Variants in CSNK2A1 observed in about 807,000 individuals in gnomAD.
CSNK2A1 encodes the protein casein kinase 2 alpha 1, also known as casein kinase II subunit alpha.
Under a neutral mutation model 62.9 loss-of-function variants are expected in CSNK2A1, and 10 were observed. That is an observed-to-expected ratio of 0.16 (90% CI 0.10 to 0.27). The LOEUF is 0.27. Ranked by LOEUF, CSNK2A1 falls within the 10% of genes least tolerant of loss-of-function variation. The pLI, the probability that CSNK2A1 is intolerant of heterozygous loss-of-function variation, is 1.00. For synonymous variants in CSNK2A1, 124 were observed against 167.8 expected, an observed-to-expected ratio of 0.74 and a Z score of 2.02; for missense variants, 160 against 492.0, an observed-to-expected ratio of 0.33 and a Z score of 6.38.
rs562585212 is a variant in CSNK2A1, at chr20:539,946, G to A, written c.-227+3726C>T. On this transcript the variant is annotated intron_variant, in intron 1 of 13. Coordinates refer to ENST00000217244, the MANE Select transcript of CSNK2A1 (RefSeq NM_177559.3). ...ACAGTTAGACATTCCAGTTCAAATG[G>A]GCAAAATGTAAAAGAAAACAGAGCC... 4 of 152,282 alleles carry A rather than the reference G, an allele frequency of 2.6e-5. No homozygotes were observed. In the East Asian group the frequency reaches 5.8e-4, roughly 22 times the overall value. The allele number at this position is 152,282 out of a possible 1,614,324, so 9.4% of individuals were successfully genotyped here. A position where few individuals can be genotyped will look rare whatever the true frequency, so the allele number is the denominator to read the frequency against.
At chr20:524,987 C>G (rs1336978836) in intron 2 of CSNK2A1, among the ~76,000 whole-genome samples, 1 of 151,702 alleles carries the variant, frequency 6.6e-6, no homozygotes, top group Admixed American at 6.6e-5. Context: ...ATGGTGCATG[C>G]ACCTGTGTCC....
At chr20:501,777 T>C (rs948005532) in intron 4 of CSNK2A1, 4 of 152,136 alleles carry the variant, frequency 2.6e-5, no homozygotes, top group Non-Finnish European at 4.4e-5. Context: ...ATTAACAAGA[T>C]TGGTGGTTAC....
chr20:494,353 T>C (rs1399465926), intron 8 of CSNK2A1: 4 of 152,218 alleles, frequency 2.6e-5, no homozygotes, highest in Non-Finnish European at 4.4e-5. Context: ...ATTACAAATA[T>C]AGTTGCATTC....
chr20:522,870 T>C (rs1382236236), intron 2 of CSNK2A1, among the ~76,000 whole-genome samples: 1 of 152,050 alleles, frequency 6.6e-6, no homozygotes, highest in Non-Finnish European at 1.5e-5. Context: ...CATGCCCACC[T>C]AACTTCTGAG....
chr20:487,387 G>A, intron 12 of CSNK2A1, 40 bp downstream of exon 12: 5 of 1,612,344 alleles, frequency 3.1e-6, no homozygotes, highest in Non-Finnish European at 4.2e-6. Context: ...ATAGGACTCT[G>A]CGCCTGCACA....
At chr20:512,709 C>G (rs1403168059) in intron 2 of CSNK2A1, among the ~76,000 whole-genome samples, 1 of 152,202 alleles carries the variant, frequency 6.6e-6, no homozygotes, top group African/African-American at 2.4e-5. Context: ...TGCCTCTGTT[C>G]AACTCAAACC....
chr20:507,652 T>G (rs1439923180), intron 3 of CSNK2A1: 2 of 152,236 alleles, frequency 1.3e-5, no homozygotes, highest in Admixed American at 1.3e-4. Context: ...TGTTTAAGAA[T>G]TTAATTGTTT....
At chr20:517,752 C>T (rs1462253437) in intron 2 of CSNK2A1, among the ~76,000 whole-genome samples, 1 of 152,124 alleles carries the variant, frequency 6.6e-6, no homozygotes, top group Non-Finnish European at 1.5e-5. Flanking sequence ...AAGGCTGGCA[C>T]ATTTTGTTAT....
chr20:524,599 G>A (rs1201899047), intron 2 of CSNK2A1, among the ~76,000 whole-genome samples: 7 of 146,878 alleles, frequency 4.8e-5, no homozygotes, highest in Non-Finnish European at 8.9e-5. Flanking sequence ...GTGTGGTGGC[G>A]GGTGCCTATA....
rs534653516 is a variant in CSNK2A1 at position 518,845 on chromosome 20, G to A, written c.-110+9088C>T. On this transcript the variant is annotated intron_variant, in intron 2 of 13. Transcript: ENST00000217244. ...GCTGGGATTACAGGTGTGAGCCACC[G>A]CACCCAGCCAATTATTTATTTTTAA... Among the ~76,000 whole-genome samples the A allele has an allele frequency of 3.3e-5, 5 of 149,856 alleles. No individual in the cohort carries two copies. In the East Asian group the frequency reaches 7.9e-4, roughly 24 times the overall value.
rs6107472 is a variant in CSNK2A1 at position 522,836 on chromosome 20, G to T, written c.-110+5097C>A. Among the ~76,000 whole-genome samples the T allele has an allele frequency of 6.3e-3, 964 of 152,130 alleles. 14 individuals are homozygous for T. The highest frequency in any genetic ancestry group is 0.022 in the African/African-American group (917 of 41,494). On this transcript the variant is annotated intron_variant, in intron 2 of 13. Coordinates refer to ENST00000217244, the MANE Select transcript of CSNK2A1 (RefSeq NM_177559.3). ...TCCTCCTGCCCCAGCCTCCTAAGTA[G>T]CTAGGACTACAGGCACATGCCACCA...
At chr20:485,151 T>C (rs2018069892) in intron 13 of CSNK2A1, among the ~76,000 whole-genome samples, 1 of 114,722 alleles carries the variant, frequency 8.7e-6, no homozygotes, top group Non-Finnish European at 1.7e-5. Flanking sequence ...AACATTATTA[T>C]ACATTCTTCT....
chr20:489,679 T>C, intron 10 of CSNK2A1, 101 bp downstream of exon 10: 1 of 889,830 alleles, frequency 1.1e-6, no homozygotes, highest in Non-Finnish European at 1.6e-6. Flanking sequence ...TAAGGATCAA[T>C]ATCGGGGTGG....
rs535705232 is a variant in CSNK2A1 at position 477,927 on chromosome 20, C to A, written c.*6034G>T. On this transcript the variant is annotated 3_prime_UTR_variant, in exon 14 of 14. Coordinates refer to ENST00000217244, the MANE Select transcript of CSNK2A1 (RefSeq NM_177559.3). ...AAAACAAAACAAAACAAAAAAACCC[C>A]AGTTACATTCAGGATGAATTCTGCC... 1 of 152,204 alleles carries A rather than the reference C, an allele frequency of 6.6e-6. No individual in the cohort carries two copies. The highest frequency in any genetic ancestry group is 2.1e-4 in the South Asian group (1 of 4,820). The allele number at this position is 152,204 out of a possible 1,614,324, so 9.4% of individuals were successfully genotyped here.
At chr20:504,252 C>G (rs974814289) in intron 4 of CSNK2A1, 3 of 152,186 alleles carry the variant, frequency 2.0e-5, no homozygotes, top group African/African-American at 7.2e-5. Context: ...ATACAGAGAA[C>G]TATGAGGTAT....
intron 8 of CSNK2A1, among the ~76,000 whole-genome samples, chr20:493,787 G>T (rs924599201): frequency 6.6e-6 from 1 of 152,040 alleles, no homozygotes; most frequent in Admixed American, 6.6e-5. Flanking sequence ...CCCAACCCCT[G>T]GCAACCCCTC....
At chr20:496,229 T>C (rs1189512444) in intron 7 of CSNK2A1, 2 of 167,508 alleles carry the variant, frequency 1.2e-5, no homozygotes, top group Non-Finnish European at 2.6e-5. Flanking sequence ...CAGGCCAAAT[T>C]TGGCCTGATG....
At chr20:541,458 T>C (rs962879931) in intron 1 of CSNK2A1, among the ~76,000 whole-genome samples, 1 of 152,344 alleles carries the variant, frequency 6.6e-6, no homozygotes. Context: ...GAAGTAAAGA[T>C]GTATATATTT....
Position 473,538 on chromosome 20 carries a change from A to G in CSNK2A1, c.*10423T>C, listed in dbSNP as rs952749951. On this transcript the variant is annotated 3_prime_UTR_variant, in exon 14 of 14. Transcript: ENST00000217244. ...CCACAGACTAAGGCTTTTGTCCGGT[A>G]GGGGATACAGGGAAGGGTCTGGGTG... The G allele has an allele frequency of 6.6e-6, 1 of 152,194 alleles. No individual in the cohort carries two copies. Among genetic ancestry groups the G allele is most frequent in the Non-Finnish European group, 1.5e-5 (1 of 68,040 alleles). The allele number at this position is 152,194 out of a possible 1,614,324, so 9.4% of individuals were successfully genotyped here.
Sources: allele counts gnomAD v4.1 joint callset (sites outside exome capture counted in the v4.1 genomes callset), GRCh38; gene constraint gnomAD v4.1.1; transcripts MANE v1.5; gene names NCBI Gene and HGNC (gene_info 2026-07-23, HGNC 2026-07-21).